ATG2B: variants seen among roughly 807,000 people sequenced by gnomAD.
The protein encoded by ATG2B is autophagy-related protein 2 homolog B.
ATG2B carries 121 observed loss-of-function variants against 241.3 expected under a neutral mutation model. The ratio of observed to expected loss-of-function variants is 0.50; its 90% CI spans 0.43 to 0.58. The LOEUF (loss-of-function observed/expected upper bound fraction) is 0.58. Ranked by LOEUF, ATG2B falls within the 20% of genes least tolerant of loss-of-function variation. The probability of loss-of-function intolerance (pLI) is 0.00; values close to 1 mark genes in which losing one functional copy is unlikely to be tolerated. For synonymous variants in ATG2B, 858 were observed against 876.6 expected (o/e 0.98, Z 0.37); for missense variants, 2,306 against 2,491.6 (o/e 0.93, Z 1.59).
In ATG2B at chr14:96,284,102, G is replaced by C. The variant is rs1337613165; in HGVS notation, c.*1653C>G. 2 of 152,152 alleles carry C rather than the reference G, an allele frequency of 1.3e-5. No individual in the cohort carries two copies. The highest frequency in any genetic ancestry group is 2.4e-5 in the African/African-American group (1 of 41,436). 9.4% of individuals were successfully genotyped at this position (152,152 alleles called of 1,614,324 possible). On this transcript the variant is annotated 3_prime_UTR_variant, in exon 42 of 42. Transcript: ENST00000359933. ...AATCATAACTGGGTTAACACACATAGCAAGTTTCCTTAAGGGCAAATGGAA... is the reference window on the plus strand; with the variant it reads ...AATCATAACTGGGTTAACACACATACCAAGTTTCCTTAAGGGCAAATGGAA...
chr14:96,294,848 G>T, intron 36 of ATG2B, 112 bp downstream of exon 36: 1 of 849,968 alleles, frequency 1.2e-6, no homozygotes. Context: ...TGATGATTTG[G>T]CAGTGCAAAG....
chr14:96,300,043 T>C (rs1886748241), intron 34 of ATG2B, among the ~76,000 whole-genome samples: 1 of 152,186 alleles, frequency 6.6e-6, no homozygotes, highest in Non-Finnish European at 1.5e-5. Flanking sequence ...GCTTACATAT[T>C]TGTGGTGTGG....
At chr14:96,323,866 C>A (rs1182285773) in intron 16 of ATG2B, 30 bp downstream of exon 16, 2 of 1,346,750 alleles carry the variant, frequency 1.5e-6, no homozygotes, top group Non-Finnish European at 2.1e-6. Context: ...AAAGGAAAAT[C>A]CTATTAAACC....
In ATG2B at chr14:96,290,966, G is replaced by T; in HGVS notation, c.5580-31C>A. The T allele has an allele frequency of 6.3e-7, 1 of 1,583,180 alleles. No individual in the cohort carries two copies. Among genetic ancestry groups the T allele is most frequent in the Non-Finnish European group, 8.6e-7 (1 of 1,163,684 alleles). On this transcript the variant is annotated intron_variant, in intron 38 of 41. Transcript: ENST00000359933. The surrounding 1 kb of genome is among the most constrained non-coding windows in gnomAD (Gnocchi z 4.4). ...GCAAATGATTATTAGTATGTCAAAA[G>T]GAGAAATACATTTATAGACACAGAT...
intron 11 of ATG2B, among the ~76,000 whole-genome samples, chr14:96,329,892 C>G (rs980586853): frequency 6.6e-6 from 1 of 152,146 alleles, no homozygotes; most frequent in African/African-American, 2.4e-5. Context: ...TCTTTCAGAT[C>G]TGTAAAATAT....
intron 18 of ATG2B, among the ~76,000 whole-genome samples, chr14:96,321,023 T>C (rs1192525079): frequency 1.3e-5 from 2 of 152,156 alleles, no homozygotes; most frequent in African/African-American, 4.8e-5. Context: ...ATTTTTAAAG[T>C]TAAACGTAAG....
intron 28 of ATG2B, among the ~76,000 whole-genome samples, chr14:96,310,167 G>C (rs143853595): frequency 1.3e-5 from 2 of 152,106 alleles, no homozygotes; most frequent in Non-Finnish European, 2.9e-5. Context: ...CTCTAAAATA[G>C]CAAGTTCCAA....
chr14:96,327,624 A>G (rs1887619174), intron 14 of ATG2B, among the ~76,000 whole-genome samples: 1 of 152,234 alleles, frequency 6.6e-6, no homozygotes, highest in Admixed American at 6.5e-5. Context: ...ACTCTGATAG[A>G]CATGAAAAGT....
chr14:96,358,640 T>C (rs182790164), intron 1 of ATG2B, among the ~76,000 whole-genome samples: 34 of 152,268 alleles, frequency 2.2e-4, no homozygotes, highest in African/African-American at 7.0e-4. Flanking sequence ...AATTCAGTCA[T>C]TCTGGGAAAA....
In ATG2B at chr14:96,322,096, A is replaced by C; in HGVS notation, c.2879+16T>G. The C allele has an allele frequency of 6.7e-7, 1 of 1,492,422 alleles. No homozygotes were observed. The highest frequency in any genetic ancestry group is 8.9e-7 in the Non-Finnish European group (1 of 1,122,900). 92.4% of individuals were successfully genotyped at this position (1,492,422 alleles called of 1,614,324 possible). On this transcript the variant is annotated intron_variant, in intron 18 of 41. Transcript: ENST00000359933. ...AATCTGATTCCAAAGATTCAACTAA[A>C]TGTGTATAAACTCACCTATTATAAA...
Position 96,333,842 on chromosome 14 carries a change from T to C in ATG2B, c.1053A>G (p.Lys351=). 1 of 1,613,818 alleles carries C rather than the reference T, an allele frequency of 6.2e-7. No individual in the cohort carries two copies. Among genetic ancestry groups the C allele is most frequent in the Non-Finnish European group, 8.5e-7 (1 of 1,179,844 alleles). ...GCTGCATGGGTCGATTTTTCCTATC[T>C]TTATTAGCTAACCCTATTTTGCTAG... ...ENSSKIGLAN[K]DRKNRPMQQE... The change falls in exon 8 of 42, where the codon AAA becomes AAG. Residue 351 remains lysine (K), a synonymous_variant. Transcript: ENST00000359933.
At position 96,286,410 on chromosome 14, in the gene ATG2B, G is replaced by T. The variant is rs10141697; in HGVS notation, c.6007-425C>A. Among the ~76,000 whole-genome samples, 292 of 152,204 alleles carry T rather than the reference G, an allele frequency of 1.9e-3. 4 individuals are homozygous for T. The highest frequency in any genetic ancestry group is 6.6e-3 in the African/African-American group (274 of 41,532). On this transcript the variant is annotated intron_variant, in intron 41 of 41. Coordinates refer to ENST00000359933, the MANE Select transcript of ATG2B (RefSeq NM_018036.7). ...TAAGCTCTGGGAAATTACTTAATTT[G>T]TTTTAAATTACTGGCTATGTATTAG...
rs898048321 is a variant in ATG2B, at chr14:96,283,388, C to T, written c.*2367G>A. The T allele has an allele frequency of 3.3e-5, 5 of 152,270 alleles. No homozygotes were observed. The highest frequency in any genetic ancestry group is 1.2e-4 in the African/African-American group (5 of 41,442). The allele number at this position is 152,270 out of a possible 1,614,324, so 9.4% of individuals were successfully genotyped here. A position where few individuals can be genotyped will look rare whatever the true frequency, so the allele number is the denominator to read the frequency against. On this transcript the variant is annotated 3_prime_UTR_variant, in exon 42 of 42. Coordinates refer to ENST00000359933, the MANE Select transcript of ATG2B (RefSeq NM_018036.7). ...TCTAAGGTGGCCCCTGGCTGCTCCG[C>T]GTGTGATGTCGCCAGAGAGGACTCT...
At position 96,328,414 on chromosome 14, in the gene ATG2B, T is replaced by C; in HGVS notation, c.2096A>G (p.Gln699Arg). 6.2e-7 allele frequency: 1 copy of C among 1,613,812 alleles called. No individual in the cohort carries two copies. Among genetic ancestry groups the C allele is most frequent in the Non-Finnish European group, 8.5e-7 (1 of 1,179,870 alleles). The change falls in exon 14 of 42, where the codon CAG becomes CGG. Residue 699 changes from glutamine to arginine, a missense_variant. Coordinates refer to ENST00000359933, the MANE Select transcript of ATG2B (RefSeq NM_018036.7). ...CATCATCTCTACTGTGGCAAGTTTC[T>C]GTGGTTGAAGCAAGGAATTTAACCT... The part of the protein sequence containing the change: ...VDRLNSLLQP[Q>R]KLATVEMMAS...
At chr14:96,313,568 G>GA (rs879542488) in intron 23 of ATG2B, 133 bp from the exon 24 acceptor site, 14 of 505,372 alleles carry the variant, frequency 2.8e-5, no homozygotes, top group Middle Eastern at 5.2e-4. Flanking sequence ...ACGGTAAAAG[G>GA]AAAAAAATCA....
chr14:96,317,853 A>C lies in ATG2B; in HGVS notation c.2882T>G (p.Ile961Ser). Reference protein sequence around the residue: ...KSFYEKLYNRIFNDLLLWEPT... With the variant: ...KSFYEKLYNRSFNDLLLWEPT... ...TTCCCACAGTAGCAAGTCATTAAAG[A>C]TCCTATAAAGACAAAAGTTGAAAAA... The change falls in exon 19 of 42, where the codon ATC becomes AGC. Residue 961 changes from isoleucine (I) to serine (S), a missense_variant and splice_region_variant. By Grantham distance (142) the Ile-to-Ser change is moderately radical (BLOSUM62 -2). Coordinates refer to ENST00000359933, the MANE Select transcript of ATG2B (RefSeq NM_018036.7). 2 of 1,594,666 alleles carry C rather than the reference A, an allele frequency of 1.3e-6. No individual in the cohort carries two copies. The highest frequency in any genetic ancestry group is 1.7e-6 in the Non-Finnish European group (2 of 1,169,994).
chr14:96,314,784 T>A (rs1475974121), intron 23 of ATG2B, among the ~76,000 whole-genome samples: 1 of 152,244 alleles, frequency 6.6e-6, no homozygotes, highest in Non-Finnish European at 1.5e-5. Flanking sequence ...CACTGCAACC[T>A]CCGCCTCCCG....
rs1425679764 is a variant in ATG2B at position 96,282,674 on chromosome 14, C to G, written c.*3081G>C. The G allele has an allele frequency of 6.6e-6, 1 of 152,254 alleles. No homozygotes were observed. Among genetic ancestry groups the G allele is most frequent in the Non-Finnish European group, 1.5e-5 (1 of 68,050 alleles). The allele number at this position is 152,254 out of a possible 1,614,324, so 9.4% of individuals were successfully genotyped here. A position where few individuals can be genotyped will look rare whatever the true frequency, so the allele number is the denominator to read the frequency against. On this transcript the variant is annotated 3_prime_UTR_variant, in exon 42 of 42. Coordinates refer to ENST00000359933, the MANE Select transcript of ATG2B (RefSeq NM_018036.7). ...TCTGCATTCCGGTGGAAGCGGCATGCTGCCTTTGGACAAACAGCCTCTGCA... is the reference window on the plus strand; with the variant it reads ...TCTGCATTCCGGTGGAAGCGGCATGGTGCCTTTGGACAAACAGCCTCTGCA...
chr14:96,302,233 A>G (rs1036368863), intron 33 of ATG2B, 125 bp from the exon 34 acceptor site: 1 of 620,216 alleles, frequency 1.6e-6, no homozygotes, highest in East Asian at 2.8e-5. Flanking sequence ...GGAATTGTTT[A>G]CCCTCTTTCC....
Sources: allele counts gnomAD v4.1 joint callset (sites outside exome capture counted in the v4.1 genomes callset), GRCh38; gene constraint gnomAD v4.1.1; non-coding constraint Gnocchi (gnomAD v3.1); transcripts MANE v1.5; gene names NCBI Gene and HGNC (gene_info 2026-07-23, HGNC 2026-07-21).